Variants in PDZRN4 observed in about 807,000 individuals in gnomAD.
PDZRN4 encodes the protein PDZ domain containing ring finger 4.
In PDZRN4, 70 loss-of-function variants were observed where a neutral mutation model predicts 99.0. The observed-to-expected ratio is 0.71, with a 90% confidence interval of 0.58 to 0.86. The LOEUF (loss-of-function observed/expected upper bound fraction) is 0.86. Among genes scored for constraint, PDZRN4 ranks in the 40% least tolerant of loss-of-function variants. The pLI is 0.00. For missense variants in PDZRN4, 1,474 were observed against 1,331.2 expected (o/e 1.11, Z -1.67); for synonymous variants, 551 against 501.6 (o/e 1.10, Z -1.32).
intron 3 of PDZRN4, among the ~76,000 whole-genome samples, chr12:41,310,891 A>G (rs1370023655): frequency 6.6e-6 from 1 of 152,154 alleles, no homozygotes; most frequent in African/African-American, 2.4e-5. Context: ...AAGTTCACAT[A>G]GGATTAAGGG....
chr12:41,431,155 T>A (rs1300642400), intron 3 of PDZRN4, among the ~76,000 whole-genome samples: 2 of 152,134 alleles, frequency 1.3e-5, no homozygotes, highest in African/African-American at 4.8e-5. Flanking sequence ...CCAAACCATA[T>A]CAACTTGGAA....
intron 3 of PDZRN4, among the ~76,000 whole-genome samples, chr12:41,260,799 T>C (rs767058024): frequency 5.3e-5 from 8 of 152,204 alleles, no homozygotes; most frequent in African/African-American, 1.9e-4. Context: ...TTTTCTATAG[T>C]CTGCACTTCC....
intron 3 of PDZRN4, among the ~76,000 whole-genome samples, chr12:41,444,421 C>T (rs1220865920): frequency 6.6e-6 from 1 of 152,058 alleles, no homozygotes; most frequent in Non-Finnish European, 1.5e-5. Context: ...CAGTTCCCTC[C>T]TTCTGCCCAA....
intron 3 of PDZRN4, among the ~76,000 whole-genome samples, chr12:41,279,120 T>C (rs928455783): frequency 2.0e-5 from 3 of 152,228 alleles, no homozygotes; most frequent in Non-Finnish European, 2.9e-5. Context: ...AGGGTTCGGG[T>C]ATACAGTGTT....
intron 3 of PDZRN4, among the ~76,000 whole-genome samples, chr12:41,306,904 C>T (rs1031665509): frequency 1.3e-5 from 2 of 152,288 alleles, no homozygotes; most frequent in African/African-American, 2.4e-5. Flanking sequence ...CTCAGAACAG[C>T]TTTTACCATT....
chr12:41,247,448 GA>G (rs1365893104), intron 3 of PDZRN4, among the ~76,000 whole-genome samples: 2 of 152,128 alleles, frequency 1.3e-5, no homozygotes, highest in Non-Finnish European at 2.9e-5. Flanking sequence ...ACTGACCATT[GA>G]AATTACCCAA....
At chr12:41,377,949 C>A (rs916615431) in intron 3 of PDZRN4, among the ~76,000 whole-genome samples, 18 of 152,044 alleles carry the variant, frequency 1.2e-4, no homozygotes, top group African/African-American at 4.3e-4. Flanking sequence ...ATAATTCTTC[C>A]TTTTCAATTT....
intron 3 of PDZRN4, among the ~76,000 whole-genome samples, chr12:41,267,867 G>A (rs1374941395): frequency 5.3e-5 from 8 of 151,716 alleles, no homozygotes. Flanking sequence ...CAAACAAAAA[G>A]GAAGAAGAAG....
intron 3 of PDZRN4, among the ~76,000 whole-genome samples, chr12:41,418,446 C>T (rs1033714963): frequency 1.1e-4 from 16 of 152,118 alleles, no homozygotes; most frequent in African/African-American, 3.9e-4. Context: ...GTAGTACCTA[C>T]AGATACCAAC....
chr12:41,255,797 T>G (rs534481211), intron 3 of PDZRN4, among the ~76,000 whole-genome samples: 1 of 152,244 alleles, frequency 6.6e-6, no homozygotes, highest in Admixed American at 6.5e-5. Flanking sequence ...AGTCAGCCCA[T>G]CACATGGTGA....
chr12:41,384,843 C>G (rs1326558780), intron 3 of PDZRN4, among the ~76,000 whole-genome samples: 1 of 152,134 alleles, frequency 6.6e-6, no homozygotes, highest in East Asian at 1.9e-4. Flanking sequence ...ATGCCCAACT[C>G]CAGGGGCTTT....
At chr12:41,340,786 A>G (rs531246657) in intron 3 of PDZRN4, among the ~76,000 whole-genome samples, 1 of 152,066 alleles carries the variant, frequency 6.6e-6, no homozygotes, top group South Asian at 2.1e-4. Flanking sequence ...GAATTCTTCC[A>G]TAGATTTAAA....
At chr12:41,321,863 T>C (rs1951680211) in intron 3 of PDZRN4, among the ~76,000 whole-genome samples, 2 of 152,184 alleles carry the variant, frequency 1.3e-5, no homozygotes, top group Admixed American at 6.5e-5. Context: ...AATAATTATA[T>C]TGGGATTTAC....
intron 3 of PDZRN4, among the ~76,000 whole-genome samples, chr12:41,343,414 C>T (rs1328323476): frequency 2.0e-5 from 3 of 151,878 alleles, no homozygotes; most frequent in Non-Finnish European, 4.4e-5. Context: ...GTTTCATTTA[C>T]ATTTTGTATT....
intron 3 of PDZRN4, among the ~76,000 whole-genome samples, chr12:41,400,752 A>G (rs574327144): frequency 3.3e-5 from 5 of 152,306 alleles, no homozygotes; most frequent in Non-Finnish European, 7.4e-5. Context: ...GACTTATCCT[A>G]TAAAAGTGCC....
In PDZRN4 at chr12:41,188,339, A is replaced by C. The variant is rs1591959651; in HGVS notation, c.-117A>C. The C allele has an allele frequency of 1.1e-6, 1 of 928,652 alleles. No individual in the cohort carries two copies. Among genetic ancestry groups the C allele is most frequent in the South Asian group, 1.8e-5 (1 of 56,130 alleles). The allele number at this position is 928,652 out of a possible 1,614,324, so 57.5% of individuals were successfully genotyped here. On this transcript the variant is annotated 5_prime_UTR_variant, in exon 1 of 10. Coordinates refer to ENST00000402685, the MANE Select transcript of PDZRN4 (RefSeq NM_001164595.2). The stretch of plus-strand genomic sequence containing the variant: ...AGTGAGATCACACCTCCCACCCGCC[A>C]CCTCCCTCCACTGCCGCCGCCGCGA...
At chr12:41,204,682 G>A (rs1299566215) in intron 3 of PDZRN4, among the ~76,000 whole-genome samples, 1 of 151,976 alleles carries the variant, frequency 6.6e-6, no homozygotes, top group Non-Finnish European at 1.5e-5. Context: ...AAAGCATGGG[G>A]GAACCACCCC....
chr12:41,249,745 T>C (rs888101890), intron 3 of PDZRN4, among the ~76,000 whole-genome samples: 2 of 152,150 alleles, frequency 1.3e-5, no homozygotes, highest in African/African-American at 4.8e-5. Context: ...ATTTGAAGAC[T>C]TTACACTTTG....
chr12:41,319,851 A>G (rs1316881839), intron 3 of PDZRN4, among the ~76,000 whole-genome samples: 2 of 152,228 alleles, frequency 1.3e-5, no homozygotes, highest in Non-Finnish European at 2.9e-5. Context: ...CAACCCTTGC[A>G]GAAGTATATT....
Sources: allele counts gnomAD v4.1 joint callset (sites outside exome capture counted in the v4.1 genomes callset), GRCh38; gene constraint gnomAD v4.1.1; transcripts MANE v1.5; gene names NCBI Gene and HGNC (gene_info 2026-07-23, HGNC 2026-07-21).